PHTF2: variants seen among roughly 807,000 people sequenced by gnomAD.
PHTF2 encodes putative homeodomain transcription factor 2.
In PHTF2, 60 loss-of-function variants were observed where a neutral mutation model predicts 101.2. That is an observed-to-expected ratio of 0.59 (90% CI 0.48 to 0.73). PHTF2 has a LOEUF of 0.73. Ranked by LOEUF, PHTF2 falls within the 30% of genes least tolerant of loss-of-function variation. The pLI, the probability that PHTF2 is intolerant of heterozygous loss-of-function variation, is 0.00. For synonymous variants in PHTF2, 311 were observed against 307.3 expected (o/e 1.01, Z -0.13); for missense variants, 747 against 908.7 (o/e 0.82, Z 2.29).
At position 77,840,235 on chromosome 7, in the gene PHTF2, T is replaced by C. The variant is rs1469425871; in HGVS notation, c.-21T>C. 2 of 1,584,684 alleles carry C rather than the reference T, an allele frequency of 1.3e-6. No homozygotes were observed. The highest frequency in any genetic ancestry group is 1.7e-5 in the Admixed American group (1 of 59,932). The stretch of plus-strand genomic sequence containing the variant: ...CTCTTGCACAGCCTAAAATGACCAA[T>C]GTGTGATTTCAGTGGAATAAATGGC... On this transcript the variant is annotated 5_prime_UTR_variant, in exon 2 of 20. The change abolishes an upstream ATG in the 5' untranslated region. Coordinates refer to ENST00000416283, the Ensembl canonical transcript of PHTF2.
intron 1 of PHTF2, among the ~76,000 whole-genome samples, chr7:77,803,118 C>T (rs1792687057): frequency 6.6e-6 from 1 of 152,068 alleles, no homozygotes; most frequent in South Asian, 2.1e-4. Context: ...AGTTTTAGAG[C>T]ACTAGGAATG....
chr7:77,949,846 A>G lies in PHTF2; in HGVS notation c.2115+13A>G, dbSNP rs1351665008. Reference sequence around the variant, plus strand: ...ACTTACTGAACAGGTGAGTGTGCCTACTTATTATGCTACAAATTAATGTCT... The same window carrying G: ...ACTTACTGAACAGGTGAGTGTGCCTGCTTATTATGCTACAAATTAATGTCT... On this transcript the variant is annotated intron_variant, in intron 17 of 19. Transcript: ENST00000416283. 6 of 1,337,116 alleles carry G rather than the reference A, an allele frequency of 4.5e-6. No homozygotes were observed. The African/African-American group carries it at 5.9e-5, about 13-fold the overall frequency. 82.8% of individuals were successfully genotyped at this position (1,337,116 alleles called of 1,614,324 possible).
intron 5 of PHTF2, 62 bp from the exon 5 acceptor site, chr7:77,900,649 T>G: frequency 1.2e-6 from 1 of 839,218 alleles, no homozygotes; most frequent in East Asian, 2.4e-5. Flanking sequence ...TAGAAATTGA[T>G]TTTCTCCTGT....
chr7:77,825,927 T>G (rs1794667537), intron 1 of PHTF2, among the ~76,000 whole-genome samples: 1 of 152,072 alleles, frequency 6.6e-6, no homozygotes. Context: ...AATAGAGACT[T>G]CAACAAATGG....
chr7:77,893,765 T>G (rs1800649174), intron 4 of PHTF2, 101 bp downstream of exon 3: 1 of 622,992 alleles, frequency 1.6e-6, no homozygotes, highest in Non-Finnish European at 2.8e-6. Flanking sequence ...AGATATAAAT[T>G]ACTATTCTAT....
In PHTF2 at chr7:77,840,251, A is replaced by G. The variant is rs141690721; in HGVS notation, c.-5A>G. The G allele has an allele frequency of 1.6e-3, 2,516 of 1,605,950 alleles. 6 individuals are homozygous for G. The highest frequency in any genetic ancestry group is 1.9e-3 in the Non-Finnish European group (2,270 of 1,172,728). On this transcript the variant is annotated 5_prime_UTR_variant, in exon 2 of 20. Coordinates refer to ENST00000416283, the Ensembl canonical transcript of PHTF2. ...AATGACCAATGTGTGATTTCAGTGG[A>G]ATAAATGGCGTCCAAAGTCACAGAT...
At chr7:77,873,803 A>C (rs774467880) in intron 3 of PHTF2, among the ~76,000 whole-genome samples, 1 of 152,140 alleles carries the variant, frequency 6.6e-6, no homozygotes, top group African/African-American at 2.4e-5. Context: ...ATTCTTTTCT[A>C]TCAATGCCCT....
rs368202098 is a variant in PHTF2, at chr7:77,927,189, TATATATAC to T, written c.1120-1916_1120-1909del. On this transcript the variant is annotated intron_variant, in intron 11 of 19. Transcript: ENST00000416283. ...AAAAAAAAAAAAAAATATATATATA[TATATATAC>T]ATACACACACACACACACACACACA... Among the ~76,000 whole-genome samples, 760 of 91,520 alleles carry T rather than the reference TATATATAC, an allele frequency of 8.3e-3. 8 individuals carry two copies. Among genetic ancestry groups the T allele is most frequent in the Middle Eastern group, 0.013 (2 of 154 alleles). 60.0% of individuals were successfully genotyped at this position (91,520 alleles called of 152,430 possible). A position where few individuals can be genotyped will look rare whatever the true frequency, so the allele number is the denominator to read the frequency against.
At chr7:77,864,099 A>G (rs565709238) in intron 3 of PHTF2, among the ~76,000 whole-genome samples, 4 of 152,244 alleles carry the variant, frequency 2.6e-5, no homozygotes, top group Admixed American at 6.5e-5. Context: ...TCTTATCTTT[A>G]GGAAACTCTG....
intron 16 of PHTF2, among the ~76,000 whole-genome samples, chr7:77,943,282 G>C (rs1386963258): frequency 2.0e-5 from 3 of 152,062 alleles, no homozygotes; most frequent in African/African-American, 7.2e-5. Context: ...CACCACACCC[G>C]GCTAATTTAT....
chr7:77,824,733 A>G (rs1006738149), intron 1 of PHTF2, among the ~76,000 whole-genome samples: 3 of 152,118 alleles, frequency 2.0e-5, no homozygotes, highest in Non-Finnish European at 4.4e-5. Context: ...AAGTACTTAA[A>G]TGTTAAAAGA....
chr7:77,814,486 C>T (rs991027074), intron 1 of PHTF2, among the ~76,000 whole-genome samples: 3 of 151,678 alleles, frequency 2.0e-5, no homozygotes, highest in African/African-American at 7.3e-5. Flanking sequence ...AGCACTAGGC[C>T]GCACTTCAGC....
chr7:77,920,387 C>T (rs374229433), exon 10 of PHTF2: 8 of 1,612,880 alleles, frequency 5.0e-6, no homozygotes, highest in South Asian at 1.1e-5. Context: ...GAATACAAAA[C>T]CATGAACCTC....
chr7:77,942,606 G>C (rs891485381), intron 15 of PHTF2, 94 bp from the exon 15 acceptor site: 1 of 653,180 alleles, frequency 1.5e-6, no homozygotes, highest in Admixed American at 2.8e-5. Context: ...ATGGTGATGA[G>C]TCAACACCTT....
In PHTF2 at chr7:77,823,823, T is replaced by G. The variant is rs1794496552; in HGVS notation, c.-35-16398T>G. Among the ~76,000 whole-genome samples, 5 of 152,246 alleles carry G rather than the reference T, an allele frequency of 3.3e-5. No homozygotes were observed. In the South Asian group the frequency reaches 1.0e-3, roughly 31 times the overall value. On this transcript the variant is annotated intron_variant, in intron 1 of 19. Coordinates refer to ENST00000416283, the Ensembl canonical transcript of PHTF2. ...AGTAGAGACGATAGATGCTACTGAC[T>G]GGAGAAATAATAAATCTATGGTCAA...
At chr7:77,837,882 T>G (rs1169553372) in intron 1 of PHTF2, among the ~76,000 whole-genome samples, 1 of 152,128 alleles carries the variant, frequency 6.6e-6, no homozygotes, top group Non-Finnish European at 1.5e-5. Context: ...AGTGATAAAA[T>G]CCTTTCACGT....
chr7:77,933,005 G>C (rs944635029), intron 12 of PHTF2, among the ~76,000 whole-genome samples: 9 of 152,070 alleles, frequency 5.9e-5, no homozygotes, highest in South Asian at 2.1e-4. Context: ...TTGGGAGGCC[G>C]AGGCGGGTGG....
rs560748351 is a variant in PHTF2 at position 77,916,262 on chromosome 7, C to G, written c.777-4017C>G. 1.7e-3 allele frequency among the ~76,000 whole-genome samples: 254 copies of G among 152,162 alleles called. 3 individuals carry two copies. The highest frequency in any genetic ancestry group is 1.3e-3 in the Non-Finnish European group (87 of 68,006). ...TGTTTTTTAAATAAGTCTCTCATCC[C>G]CACTGCCTTTACTGTATTTTTATTC... On this transcript the variant is annotated intron_variant, in intron 9 of 19. Transcript: ENST00000416283.
chr7:77,863,223 G>C (rs1797785117), intron 3 of PHTF2, among the ~76,000 whole-genome samples: 1 of 152,098 alleles, frequency 6.6e-6, no homozygotes, highest in African/African-American at 2.4e-5. Flanking sequence ...AAAGAGTTCT[G>C]GTTTACCTAG....
Sources: gnomAD v4.1 joint callset for allele counts (sites outside exome capture counted in the v4.1 genomes callset) on GRCh38, gnomAD v4.1.1 for gene constraint, MANE v1.5 for transcripts, NCBI Gene and HGNC (gene_info 2026-07-23, HGNC 2026-07-21) for gene names.